The following SNW1 variants were observed in gnomAD, a reference collection of about 807,000 sequenced individuals.
SNW1 encodes SNW domain-containing protein 1.
Under a neutral mutation model 75.6 loss-of-function variants are expected in SNW1, and 9 were observed. The ratio of observed to expected loss-of-function variants is 0.12; its 90% confidence interval spans 0.07 to 0.21. The LOEUF is 0.21. Among genes scored for constraint, SNW1 ranks in the 10% least tolerant of loss-of-function variants. The probability of loss-of-function intolerance (pLI) is 1.00; values close to 1 mark genes in which losing one functional copy is unlikely to be tolerated. For synonymous variants in SNW1, 200 were observed against 219.1 expected (o/e 0.91, Z 0.77); for missense variants, 409 against 670.9 (o/e 0.61, Z 4.31).
intron 2 of SNW1, among the ~76,000 whole-genome samples, chr14:77,754,193 C>T (rs1267623022): frequency 6.6e-6 from 1 of 151,490 alleles, no homozygotes; most frequent in Non-Finnish European, 1.5e-5. Context: ...TACAGGCATG[C>T]GCCACCACAC....
Position 77,729,477 on chromosome 14 carries a change from G to A in SNW1, c.1033+1511C>T, listed in dbSNP as rs2080611627. ...GTTTATTTGGAAGGCATTAGCCCAT[G>A]CCCATTCCACAGTATTCTATTTTTA... On this transcript the variant is annotated intron_variant, in intron 10 of 13. Coordinates refer to ENST00000261531, the MANE Select transcript of SNW1 (RefSeq NM_012245.3). Among the ~76,000 whole-genome samples the A allele has an allele frequency of 3.3e-5, 5 of 152,086 alleles. 1 individual carries two copies. The South Asian group carries it at 8.3e-4, about 25-fold the overall frequency.
At chr14:77,748,737 G>A (rs796315632) in intron 3 of SNW1, among the ~76,000 whole-genome samples, 6 of 151,938 alleles carry the variant, frequency 3.9e-5, no homozygotes, top group African/African-American at 1.4e-4. Flanking sequence ...ACAGGTACCC[G>A]CCACCATGCC....
At position 77,761,057 on chromosome 14, in the gene SNW1, G is replaced by A. The variant is rs552111639; in HGVS notation, c.14+57C>T. 2.5e-6 allele frequency: 4 copies of A among 1,614,226 alleles called. No individual in the cohort carries two copies. In the African/African-American group the frequency reaches 5.3e-5, roughly 22 times the overall value. On this transcript the variant is annotated intron_variant, in intron 1 of 13. Coordinates refer to ENST00000261531, the MANE Select transcript of SNW1 (RefSeq NM_012245.3). ...GCCCGGAGGGTATGGGAAGAGAAAT[G>A]AAGAAGACTGGTACTCCCAGACCCT...
At chr14:77,753,063 T>C (rs2080820384) in intron 2 of SNW1, among the ~76,000 whole-genome samples, 1 of 152,148 alleles carries the variant, frequency 6.6e-6, no homozygotes, top group Non-Finnish European at 1.5e-5. Flanking sequence ...TGCCAGAAAA[T>C]CATAGCTTTT....
intron 3 of SNW1, among the ~76,000 whole-genome samples, chr14:77,750,441 T>C (rs1196243242): frequency 6.6e-6 from 1 of 152,068 alleles, no homozygotes; most frequent in African/African-American, 2.4e-5. Context: ...TGAGCTGAAA[T>C]AGGAGATATA....
chr14:77,740,657 C>G (rs745664286), intron 3 of SNW1, among the ~76,000 whole-genome samples: 7 of 152,156 alleles, frequency 4.6e-5, no homozygotes, highest in Admixed American at 6.6e-5. Flanking sequence ...CAAAGGTCCT[C>G]CATTATCGAG....
chr14:77,736,940 G>T, intron 6 of SNW1, 31 bp downstream of exon 6: 2 of 1,425,432 alleles, frequency 1.4e-6, no homozygotes, highest in Non-Finnish European at 2.0e-6. Context: ...ATGTTATTGT[G>T]TGTATTAGTA....
intron 5 of SNW1, among the ~76,000 whole-genome samples, chr14:77,738,007 A>AAAG (rs1555387648): frequency 2.7e-5 from 4 of 149,968 alleles, no homozygotes; most frequent in Admixed American, 6.7e-5. Context: ...AAAAAAAAAA[A>AAAG]AAAGAAAATA....
At chr14:77,730,849 T>C in intron 10 of SNW1, 139 bp downstream of exon 10, 1 of 854,904 alleles carries the variant, frequency 1.2e-6, no homozygotes, top group South Asian at 1.8e-5. Context: ...GAGATTACTC[T>C]CCATTTCTAC....
chr14:77,741,000 G>C (rs899302373), intron 3 of SNW1, among the ~76,000 whole-genome samples: 5 of 150,600 alleles, frequency 3.3e-5, no homozygotes, highest in Admixed American at 6.7e-5. Flanking sequence ...GAGACGCTGA[G>C]GCAGGAGAAT....
chr14:77,747,240 G>A (rs2080767809), intron 3 of SNW1, among the ~76,000 whole-genome samples: 1 of 152,154 alleles, frequency 6.6e-6, no homozygotes, highest in Non-Finnish European at 1.5e-5. Context: ...CCAGGCTGGA[G>A]TGCAGTGGCG....
intron 10 of SNW1, 39 bp downstream of exon 10, chr14:77,730,949 C>T: frequency 4.4e-6 from 7 of 1,593,470 alleles, no homozygotes; most frequent in Non-Finnish European, 6.0e-6. Flanking sequence ...ATATTTTGTT[C>T]ACCAAGCAAA....
At chr14:77,731,428 C>G (rs11625663) in intron 9 of SNW1, among the ~76,000 whole-genome samples, 8,182 of 152,266 alleles carry the variant, frequency 0.054, 296 homozygotes, top group Middle Eastern at 0.085. Flanking sequence ...AAAATTAAAG[C>G]CAGGCATAGT....
intron 3 of SNW1, 81 bp downstream of exon 3, chr14:77,751,238 C>G (rs2080804946): frequency 1.4e-6 from 2 of 1,379,514 alleles, no homozygotes. Context: ...ATAATTCAAA[C>G]AGCAAGAGAT....
intron 1 of SNW1, among the ~76,000 whole-genome samples, chr14:77,758,016 A>G (rs2080855972): frequency 1.5e-5 from 1 of 66,902 alleles, no homozygotes; most frequent in Non-Finnish European, 3.2e-5. Context: ...TTCTCTATCT[A>G]TCTATCTATT....
chr14:77,731,966 C>T (rs889169500), intron 9 of SNW1, among the ~76,000 whole-genome samples: 14 of 152,126 alleles, frequency 9.2e-5, no homozygotes, highest in Admixed American at 2.6e-4. Flanking sequence ...GAACTCTCAA[C>T]CTCAAGGAAT....
chr14:77,746,421 A>C (rs2080760776), intron 3 of SNW1, among the ~76,000 whole-genome samples: 1 of 151,894 alleles, frequency 6.6e-6, no homozygotes, highest in African/African-American at 2.4e-5. Context: ...TTAAGGAAAT[A>C]AGATCGTTCA....
chr14:77,720,396 A>G (rs1344551157), intron 12 of SNW1: 1 of 655,114 alleles, frequency 1.5e-6, no homozygotes, highest in African/African-American at 1.8e-5. Context: ...CGGCCTCCAA[A>G]TGTGTTGGGA....
chr14:77,743,482 T>A (rs1367885618), intron 3 of SNW1, among the ~76,000 whole-genome samples: 1 of 152,194 alleles, frequency 6.6e-6, no homozygotes, highest in African/African-American at 2.4e-5. Flanking sequence ...ACTATTAATA[T>A]TTCAGTGAGA....
Sources: allele counts gnomAD v4.1 joint callset (sites outside exome capture counted in the v4.1 genomes callset), GRCh38; gene constraint gnomAD v4.1.1; transcripts MANE v1.5; gene names NCBI Gene and HGNC (gene_info 2026-07-23, HGNC 2026-07-21).